Variants in MAP1A observed in about 807,000 individuals in gnomAD.
MAP1A encodes microtubule associated protein 1A.
MAP1A carries 42 observed loss-of-function variants against 185.9 expected under a neutral mutation model. The observed-to-expected ratio is 0.23, with a 90% CI of 0.18 to 0.29. The LOEUF is 0.29. MAP1A is among the 10% of genes least tolerant of loss of function. The probability of loss-of-function intolerance (pLI) is 1.00; values close to 1 mark genes in which losing one functional copy is unlikely to be tolerated. For synonymous variants in MAP1A, 1,229 were observed against 1,335.9 expected (o/e 0.92, Z 1.74); for missense variants, 2,995 against 3,450.4 (o/e 0.87, Z 3.31).
In MAP1A at chr15:43,521,145, G is replaced by A; in HGVS notation, c.-151+33G>A. The stretch of plus-strand genomic sequence containing the variant: ...CCATGCCAGAGTGTCTGGGAGAAAG[G>A]GTAGCACTAGAGCTGTGGGAGGGAT... On this transcript the variant is annotated intron_variant, in intron 3 of 5. Transcript: ENST00000300231. This position sits in a 1 kb window ranked among gnomAD's most constrained non-coding sequence, Gnocchi z 4.6. 6.5e-7 allele frequency: 1 copy of A among 1,534,508 alleles called. No homozygotes were observed. Among genetic ancestry groups the A allele is most frequent in the Non-Finnish European group, 8.7e-7 (1 of 1,143,852 alleles).
In MAP1A at chr15:43,521,280, C is replaced by G; in HGVS notation, c.-150-44C>G. ...GTACTGAATCTAAGTCAGACCAAAA[C>G]AACTCTAGTGACCTGATCAGGTTTC... On this transcript the variant is annotated intron_variant, in intron 3 of 5. Coordinates refer to ENST00000300231, the MANE Select transcript of MAP1A (RefSeq NM_002373.6). The surrounding 1 kb of genome is among the most constrained non-coding windows in gnomAD (Gnocchi z 4.6). The G allele has an allele frequency of 6.6e-7, 1 of 1,524,212 alleles. No homozygotes were observed. The allele number at this position is 1,524,212 out of a possible 1,614,324, so 94.4% of individuals were successfully genotyped here. A position where few individuals can be genotyped will look rare whatever the true frequency, so the allele number is the denominator to read the frequency against.
At position 43,524,071 on chromosome 15, in the gene MAP1A, C is replaced by T. The variant is rs1353064455; in HGVS notation, c.2598C>T (p.Ser866=). The T allele has an allele frequency of 6.2e-7, 1 of 1,614,080 alleles. No homozygotes were observed. Among genetic ancestry groups the T allele is most frequent in the South Asian group, 1.1e-5 (1 of 91,084 alleles). Reference sequence around the variant, plus strand: ...AGACAGAGGAGACAGGCAAGAGCTCCCTGCTGCTTGACACAGTCACAAGCA... The same window carrying T: ...AGACAGAGGAGACAGGCAAGAGCTCTCTGCTGCTTGACACAGTCACAAGCA... ...APQTEETGKS[S]LLLDTVTSIP... The change falls in exon 4 of 6, where the codon TCC becomes TCT. Residue 866 remains serine, a synonymous_variant. Coordinates refer to ENST00000300231, the MANE Select transcript of MAP1A (RefSeq NM_002373.6).
In MAP1A at chr15:43,526,072, A is replaced by C. The variant is rs187966972; in HGVS notation, c.4599A>C (p.Lys1533Asn). The C allele has an allele frequency of 1.2e-6, 2 of 1,613,980 alleles. No homozygotes were observed. Among genetic ancestry groups the C allele is most frequent in the Non-Finnish European group, 1.7e-6 (2 of 1,180,042 alleles). Residue 1533 changes from lysine to asparagine, a missense_variant, in exon 4 of 6, where the codon AAA becomes AAC. Lys to Asn is a moderately conservative substitution (Grantham distance 94). Around this residue, in one of 3 missense-constraint regions of MAP1A, gnomAD observed 2,728 missense variants for 2,986.0 expected, o/e 0.91. Coordinates refer to ENST00000300231, the MANE Select transcript of MAP1A (RefSeq NM_002373.6). The surrounding 1 kb of genome is among the most constrained non-coding windows in gnomAD (Gnocchi z 4.7). ...AGACAGACAAAGCCCCTGAACAGAA[A>C]CACCAGGCCCAGGAACAAAAGGATA... The part of the protein sequence containing the change: ...LEQTDKAPEQ[K>N]HQAQEQKDKV...
chr15:43,523,219 G>A lies in MAP1A; in HGVS notation c.1746G>A (p.Gly582=), dbSNP rs1219445963. Residue 582 remains glycine, a synonymous_variant, in exon 4 of 6, where the codon GGG becomes GGA. Coordinates refer to ENST00000300231, the MANE Select transcript of MAP1A (RefSeq NM_002373.6). ...AIQGTPPSVP[G]LGQEEHVMKE... ...AGGGAACACCACCCTCTGTTCCAGG[G>A]CTGGGACAAGAAGAACATGTGATGA... is the stretch of plus-strand genomic sequence containing the variant. The A allele has an allele frequency of 1.2e-6, 2 of 1,614,136 alleles. No individual in the cohort carries two copies. Among genetic ancestry groups the A allele is most frequent in the Admixed American group, 1.7e-5 (1 of 60,018 alleles).
intron 1 of MAP1A, among the ~76,000 whole-genome samples, chr15:43,511,463 C>T (rs536933559): frequency 3.5e-4 from 53 of 152,318 alleles, no homozygotes; most frequent in African/African-American, 1.3e-3. Flanking sequence ...CCTGAGGCAG[C>T]GGAGCTCTAT....
chr15:43,518,316 C>A (rs550633369), intron 1 of MAP1A, among the ~76,000 whole-genome samples: 1 of 152,104 alleles, frequency 6.6e-6, no homozygotes, highest in Non-Finnish European at 1.5e-5. Context: ...TCTAAACCCC[C>A]CTTTCTGGCC....
Position 43,523,320 on chromosome 15 carries a change from C to T in MAP1A, c.1847C>T (p.Thr616Ile), listed in dbSNP as rs755534263. 3.1e-6 allele frequency: 5 copies of T among 1,610,818 alleles called. No individual in the cohort carries two copies. The highest frequency in any genetic ancestry group is 4.2e-6 in the Non-Finnish European group (5 of 1,178,378). Residue 616 changes from threonine (T) to isoleucine (I), a missense_variant, in exon 4 of 6, where the codon ACA (threonine) becomes ATA (isoleucine). Thr to Ile is a moderately conservative substitution (Grantham distance 89). Transcript: ENST00000300231. ...AGAGGCCTAGACTCTGGGGCTGAAA[C>T]AGAGGAAGAGAAAGATACCTGGGAG... is the stretch of plus-strand genomic sequence containing the variant. ...KDRGLDSGAETEEEKDTWEEK... is the reference protein window; with the variant it reads ...KDRGLDSGAEIEEEKDTWEEK...
chr15:43,520,550 A>G (rs938008367), intron 1 of MAP1A, 91 bp from the exon 2 acceptor site: 4 of 859,150 alleles, frequency 4.7e-6, no homozygotes, highest in Admixed American at 2.0e-5. Flanking sequence ...TCTTTCGTCT[A>G]AGCCCCATTT....
rs532524880 is a variant in MAP1A at position 43,529,238 on chromosome 15, T to G, written c.7765T>G (p.Ser2589Ala). The G allele has an allele frequency of 1.2e-6, 2 of 1,606,128 alleles. No homozygotes were observed. The highest frequency in any genetic ancestry group is 1.4e-5 in the African/African-American group (1 of 72,542). ...TGACCCCGAGGGGCTCAGCTCAGAG[T>G]CTGGGAGAGTAGAGAGGCTACGGGA... ...MADPEGLSSE[S>A]GRVERLREKE... Residue 2589 changes from serine to alanine, a missense_variant, in exon 4 of 6, where the codon TCT (serine) becomes GCT (alanine). Physicochemically the swap from Ser to Ala is moderately conservative, Grantham distance 99. Transcript: ENST00000300231. This position sits in a 1 kb window ranked among gnomAD's most constrained non-coding sequence, Gnocchi z 4.3.
At position 43,529,937 on chromosome 15, in the gene MAP1A, A is replaced by G. The variant is rs556225462; in HGVS notation, c.8256+67A>G. On this transcript the variant is annotated intron_variant, in intron 5 of 5. Transcript: ENST00000300231. This position sits in a 1 kb window ranked among gnomAD's most constrained non-coding sequence, Gnocchi z 4.3. ...TCACTCAGAGGCAGTAGTGGAACACAGTCCCTATTTATTAAAGGATGGGCC... is the reference window on the plus strand; with the variant it reads ...TCACTCAGAGGCAGTAGTGGAACACGGTCCCTATTTATTAAAGGATGGGCC... The G allele has an allele frequency of 4.5e-6, 7 of 1,565,856 alleles. No homozygotes were observed. In the African/African-American group the frequency reaches 6.8e-5, roughly 15 times the overall value.
Position 43,520,628 on chromosome 15 carries a change from A to C in MAP1A, c.-374-13A>C, listed in dbSNP as rs1001204238. The C allele has an allele frequency of 4.0e-6, 6 of 1,495,374 alleles. No individual in the cohort carries two copies. The African/African-American group carries it at 7.0e-5, about 17-fold the overall frequency. 92.6% of individuals were successfully genotyped at this position (1,495,374 alleles called of 1,614,324 possible). On this transcript the variant is annotated splice_polypyrimidine_tract_variant and intron_variant, in intron 1 of 5. Transcript: ENST00000300231. Reference sequence around the variant, plus strand: ...ACCTATTCTCAATATAAATTCCTACATCTCTCCCTCAGGCCAGAGGACCCT... The same window carrying C: ...ACCTATTCTCAATATAAATTCCTACCTCTCTCCCTCAGGCCAGAGGACCCT...
At chr15:43,520,945 G>A in intron 2 of MAP1A, 27 bp from the exon 3 acceptor site, 1 of 1,545,504 alleles carries the variant, frequency 6.5e-7, no homozygotes, top group Non-Finnish European at 8.7e-7. Flanking sequence ...TCCTATATCT[G>A]TGACCACTCC....
chr15:43,511,447 A>C (rs1459993961), intron 1 of MAP1A, among the ~76,000 whole-genome samples: 1 of 152,148 alleles, frequency 6.6e-6, no homozygotes, highest in East Asian at 1.9e-4. Context: ...GGCGTTCCGC[A>C]GTCTCCCTGA....
In MAP1A at chr15:43,524,152, T is replaced by C; in HGVS notation, c.2679T>C (p.Gly893=). The change falls in exon 4 of 6, where the codon GGT becomes GGC. Residue 893 remains glycine, a synonymous_variant. Transcript: ENST00000300231. ...GCTTGGACTATGTGCCATCAGCTGG[T>C]ACCATCTCACCCACCTCCTCACTGG... The part of the protein sequence containing the change: ...TQGLDYVPSA[G]TISPTSSLEE... 1.2e-6 allele frequency: 2 copies of C among 1,614,130 alleles called. No individual in the cohort carries two copies. Among genetic ancestry groups the C allele is most frequent in the Non-Finnish European group, 8.5e-7 (1 of 1,180,020 alleles).
In MAP1A at chr15:43,526,974, C is replaced by T; in HGVS notation, c.5501C>T (p.Thr1834Ile). 6.2e-7 allele frequency: 1 copy of T among 1,613,490 alleles called. No individual in the cohort carries two copies. The highest frequency in any genetic ancestry group is 1.7e-5 in the Admixed American group (1 of 59,998). The change falls in exon 4 of 6, where the codon ACT becomes ATT. Residue 1834 changes from threonine to isoleucine, a missense_variant. Physicochemically the swap from Thr to Ile is moderately conservative, Grantham distance 89. This residue lies in a region of MAP1A where 2,728 missense variants were observed against 2,986.0 expected (regional missense o/e 0.91). Coordinates refer to ENST00000300231, the MANE Select transcript of MAP1A (RefSeq NM_002373.6). The surrounding 1 kb of genome is among the most constrained non-coding windows in gnomAD (Gnocchi z 4.7). ...ATGCCACACATGAAGAATGAACCCA[C>T]TACTCCCTCATGGCTGGCTGACATC... ...KLMPHMKNEP[T>I]TPSWLADIPP... is the part of the protein sequence containing the mutation.
rs200678338 is a variant in MAP1A, at chr15:43,527,532, C to T, written c.6059C>T (p.Pro2020Leu). The T allele has an allele frequency of 1.6e-4, 256 of 1,614,088 alleles. 2 individuals carry two copies. The South Asian group carries it at 2.0e-3, about 12-fold the overall frequency. The change falls in exon 4 of 6, where the codon CCT becomes CTT. Residue 2020 changes from proline (P) to leucine (L), a missense_variant. Physicochemically the swap from Pro to Leu is moderately conservative, Grantham distance 98. Transcript: ENST00000300231. Reference sequence around the variant, plus strand: ...TCTGCAGAGAAGGAGCTTTCATCTCCTATCTCACCCAAGAGCCTCCAGTCT... The same window carrying T: ...TCTGCAGAGAAGGAGCTTTCATCTCTTATCTCACCCAAGAGCCTCCAGTCT... ...NTSAEKELSS[P>L]ISPKSLQSDT...
chr15:43,516,811 G>A (rs1017363382), upstream of MAP1A, among the ~76,000 whole-genome samples: 6 of 152,170 alleles, frequency 3.9e-5, no homozygotes, highest in South Asian at 2.1e-4. Context: ...TGCTTGGGCC[G>A]GAGGCCCTGG....
Position 43,522,530 on chromosome 15 carries a change from G to T in MAP1A, c.1057G>T (p.Ala353Ser), listed in dbSNP as rs1060937. 6.2e-7 allele frequency: 1 copy of T among 1,612,670 alleles called. No homozygotes were observed. The highest frequency in any genetic ancestry group is 1.3e-5 in the African/African-American group (1 of 74,848). Reference protein sequence around the residue: ...EGAKEARSELAKELAKTEKKA... With the variant: ...EGAKEARSELSKELAKTEKKA... The stretch of plus-strand genomic sequence containing the variant: ...AGCCAAGGAGGCACGTTCAGAGCTG[G>T]CCAAGGAGTTAGCCAAGACAGAGAA... The change falls in exon 4 of 6, where the codon GCC becomes TCC. Residue 353 changes from alanine (A) to serine (S), a missense_variant. Around this residue, in one of 3 missense-constraint regions of MAP1A, gnomAD observed 2,728 missense variants for 2,986.0 expected, o/e 0.91. Coordinates refer to ENST00000300231, the MANE Select transcript of MAP1A (RefSeq NM_002373.6). This position sits in a 1 kb window ranked among gnomAD's most constrained non-coding sequence, Gnocchi z 5.9.
rs747231894 is a variant in MAP1A, at chr15:43,526,770, G to C, written c.5297G>C (p.Gly1766Ala). ...KDFQESSPQKGLEVERWLAES... is the reference protein window; with the variant it reads ...KDFQESSPQKALEVERWLAES... ...TTCCAGGAATCCTCACCACAGAAGG[G>C]GCTAGAGGTGGAGCGCTGGCTTGCT... Residue 1766 changes from glycine (G) to alanine (A), a missense_variant, in exon 4 of 6, where the codon GGG becomes GCG. This residue lies in a region of MAP1A where 2,728 missense variants were observed against 2,986.0 expected (regional missense o/e 0.91). Coordinates refer to ENST00000300231, the MANE Select transcript of MAP1A (RefSeq NM_002373.6). This position sits in a 1 kb window ranked among gnomAD's most constrained non-coding sequence, Gnocchi z 4.7. 1.9e-6 allele frequency: 3 copies of C among 1,614,122 alleles called. No individual in the cohort carries two copies. Among genetic ancestry groups the C allele is most frequent in the Non-Finnish European group, 2.5e-6 (3 of 1,180,018 alleles).
Sources: gnomAD v4.1 joint callset for allele counts (sites outside exome capture counted in the v4.1 genomes callset) on GRCh38, gnomAD v4.1.1 for gene constraint, gnomAD v4.1.1 regional missense constraint, Gnocchi (gnomAD v3.1) non-coding constraint, MANE v1.5 for transcripts, NCBI Gene and HGNC (gene_info 2026-07-23, HGNC 2026-07-21) for gene names.